Variants in ANKRD42 observed in about 807,000 individuals in gnomAD.
ANKRD42 encodes ankyrin repeat domain-containing protein 42.
In ANKRD42, 43 loss-of-function variants were observed where a neutral mutation model predicts 51.5. That is an observed-to-expected ratio of 0.83 (90% CI 0.65 to 1.08). The LOEUF is 1.08. Ranked by LOEUF, ANKRD42 falls within the 50% of genes least tolerant of loss-of-function variation. The pLI is 0.00. For synonymous variants in ANKRD42, 203 were observed against 213.0 expected (o/e 0.95, Z 0.41); for missense variants, 608 against 629.3 (o/e 0.97, Z 0.36).
intron 3 of ANKRD42, 37 bp from the exon 4 acceptor site, chr11:83,210,263 T>C (rs1263420439): frequency 1.9e-6 from 3 of 1,597,190 alleles, no homozygotes; most frequent in Non-Finnish European, 2.6e-6. Flanking sequence ...TTAACATCTA[T>C]ACTCATGTAA....
intron 7 of ANKRD42, among the ~76,000 whole-genome samples, chr11:83,234,003 A>C (rs1241596910): frequency 2.0e-5 from 3 of 152,002 alleles, no homozygotes; most frequent in African/African-American, 7.3e-5. Context: ...TTTTATGTGA[A>C]GTTTTTTCTC....
Position 83,245,484 on chromosome 11 carries a change from A to G in ANKRD42, c.1196-14A>G. 6.5e-7 allele frequency: 1 copy of G among 1,535,234 alleles called. No individual in the cohort carries two copies. The highest frequency in any genetic ancestry group is 8.7e-7 in the Non-Finnish European group (1 of 1,146,620). On this transcript the variant is annotated splice_polypyrimidine_tract_variant and intron_variant, in intron 9 of 10. Coordinates refer to ENST00000533342, the MANE Select transcript of ANKRD42 (RefSeq NM_001300975.2). ...ATATGTCTAACTAGGTTCCTACTCA[A>G]CTCTGTCTTGCAGTGAGAGCTTACA...
At chr11:83,217,038 T>C (rs1398959150) in intron 5 of ANKRD42, among the ~76,000 whole-genome samples, 1 of 145,826 alleles carries the variant, frequency 6.9e-6, no homozygotes, top group African/African-American at 2.5e-5. Context: ...CGGTAGAAGC[T>C]GTGAGTTGAG....
At chr11:83,241,065 C>T in intron 9 of ANKRD42, 131 bp downstream of exon 9, 1 of 1,097,308 alleles carries the variant, frequency 9.1e-7, no homozygotes, top group Non-Finnish European at 1.3e-6. Context: ...TTTGGAGGAA[C>T]TAGAACTAAT....
intron 9 of ANKRD42, 140 bp downstream of exon 9, chr11:83,241,074 A>G: frequency 2.0e-6 from 2 of 976,936 alleles, no homozygotes; most frequent in Non-Finnish European, 2.9e-6. Flanking sequence ...ACTAGAACTA[A>G]TATAAGTTTT....
In ANKRD42 at chr11:83,227,839, C is replaced by G; in HGVS notation, c.880C>G (p.Arg294Gly). ...AGATGGAGTAATCAATATTAATGAG[C>G]GTGCTGATAATGGATCAACTCCTAT... ...VEDGVININE[R>G]ADNGSTPMHK... The change falls in exon 7 of 11, where the codon CGT becomes GGT. Residue 294 changes from arginine to glycine, a missense_variant. Coordinates refer to ENST00000533342, the MANE Select transcript of ANKRD42 (RefSeq NM_001300975.2). 1 of 1,611,906 alleles carries G rather than the reference C, an allele frequency of 6.2e-7. No individual in the cohort carries two copies.
chr11:83,247,504 A>C (rs1182027996), intron 10 of ANKRD42, among the ~76,000 whole-genome samples: 1 of 152,080 alleles, frequency 6.6e-6, no homozygotes, highest in Non-Finnish European at 1.5e-5. Flanking sequence ...CTACAGGGTT[A>C]TCTCTCTTAT....
At chr11:83,216,053 C>T (rs1862517348) in intron 5 of ANKRD42, among the ~76,000 whole-genome samples, 2 of 152,182 alleles carry the variant, frequency 1.3e-5, no homozygotes, top group African/African-American at 4.8e-5. Flanking sequence ...CCTCGGCCAC[C>T]CAAAGTGCTG....
At chr11:83,241,094 G>T (rs1413826229) in intron 9 of ANKRD42, among the ~76,000 whole-genome samples, 160 bp downstream of exon 9, 3 of 152,182 alleles carry the variant, frequency 2.0e-5, no homozygotes, top group East Asian at 3.8e-4. Flanking sequence ...TTGTACTAGG[G>T]TTGTTGAACA....
At position 83,248,230 on chromosome 11, in the gene ANKRD42, G is replaced by A. The variant is rs771620271; in HGVS notation, c.*26G>A. The A allele has an allele frequency of 2.8e-5, 41 of 1,465,950 alleles. No homozygotes were observed. Among genetic ancestry groups the A allele is most frequent in the Non-Finnish European group, 1.5e-5 (17 of 1,112,368 alleles). The allele number at this position is 1,465,950 out of a possible 1,614,324, so 90.8% of individuals were successfully genotyped here. ...TTTGGGCTACTCATTTAACCTTTTT[G>A]TGCCTCAACTATAAACTGGAGATGA... On this transcript the variant is annotated 3_prime_UTR_variant, in exon 11 of 11. Coordinates refer to ENST00000533342, the MANE Select transcript of ANKRD42 (RefSeq NM_001300975.2).
chr11:83,194,813 T>C, intron 1 of ANKRD42, 85 bp downstream of exon 1: 1 of 1,405,228 alleles, frequency 7.1e-7, no homozygotes, highest in South Asian at 1.4e-5. Flanking sequence ...TTTCTGGCAT[T>C]TCCTTTTCTC....
chr11:83,261,707 A>G, downstream of ANKRD42: 2 of 377,880 alleles, frequency 5.3e-6, no homozygotes. Context: ...TTTTCAATAT[A>G]ATAAAGACAC....
downstream of ANKRD42, among the ~76,000 whole-genome samples, chr11:83,257,971 T>C (rs1414051933): frequency 1.3e-5 from 2 of 152,192 alleles, no homozygotes; most frequent in East Asian, 3.9e-4. Flanking sequence ...GACCAAGTTG[T>C]GTTCAGAAGG....
In ANKRD42 at chr11:83,211,556, A is replaced by AGAGGCT. The variant is rs1467992325; in HGVS notation, c.586+134_586+139dup. On this transcript the variant is annotated intron_variant, in intron 5 of 10. Transcript: ENST00000533342. ...TTACATCTGTAATCTCAGCACTTTG[A>AGAGGCT]GAGGCTGAGGCTGGAGGATCACTTG... 5 of 1,079,616 alleles carry AGAGGCT rather than the reference A, an allele frequency of 4.6e-6. No individual in the cohort carries two copies. In the African/African-American group the frequency reaches 7.9e-5, roughly 17 times the overall value. The allele number at this position is 1,079,616 out of a possible 1,614,324, so 66.9% of individuals were successfully genotyped here. A position where few individuals can be genotyped will look rare whatever the true frequency, so the allele number is the denominator to read the frequency against.
intron 10 of ANKRD42, 34 bp from the exon 11 acceptor site, chr11:83,247,909 A>T (rs1041223667): frequency 1.3e-6 from 2 of 1,545,920 alleles, no homozygotes; most frequent in Non-Finnish European, 1.8e-6. Flanking sequence ...GTTGACATTG[A>T]TGATTGATTT....
At chr11:83,211,487 T>G (rs1862315696) in intron 5 of ANKRD42, 57 bp downstream of exon 5, 2 of 1,575,134 alleles carry the variant, frequency 1.3e-6, no homozygotes, top group Non-Finnish European at 1.7e-6. Flanking sequence ...TTTAAATGTT[T>G]GATCTTGTTT....
chr11:83,206,593 G>C (rs529181999), intron 3 of ANKRD42, among the ~76,000 whole-genome samples: 223 of 152,334 alleles, frequency 1.5e-3, no homozygotes, highest in African/African-American at 5.1e-3. Flanking sequence ...AGAGACCTCA[G>C]AGAGCTAGCT....
intron 8 of ANKRD42, among the ~76,000 whole-genome samples, chr11:83,237,566 A>G (rs879568099): frequency 1.3e-5 from 2 of 152,312 alleles, no homozygotes; most frequent in South Asian, 2.1e-4. Context: ...CTCTGGTCCA[A>G]TCATTTGCTA....
At position 83,247,958 on chromosome 11, in the gene ANKRD42, G is replaced by T; in HGVS notation, c.1338G>T (p.Leu446=). Residue 446 remains leucine (L), a synonymous_variant, in exon 11 of 11, where the codon CTG becomes CTT. Transcript: ENST00000533342. The part of the protein sequence containing the change: ...QLESEKTIKE[L]QGQLEYERLR... ...TTTTTGATAGGACCATCAAAGAACT[G>T]CAGGGCCAGCTGGAGTATGAACGAC... 6.2e-7 allele frequency: 1 copy of T among 1,610,656 alleles called. No individual in the cohort carries two copies. Among genetic ancestry groups the T allele is most frequent in the Non-Finnish European group, 8.5e-7 (1 of 1,178,984 alleles).
Sources: gnomAD v4.1 joint callset for allele counts (sites outside exome capture counted in the v4.1 genomes callset) on GRCh38, gnomAD v4.1.1 for gene constraint, MANE v1.5 for transcripts, NCBI Gene and HGNC (gene_info 2026-07-23, HGNC 2026-07-21) for gene names.